Variants in RGS7BP observed in about 807,000 individuals in gnomAD.
RGS7BP encodes regulator of G protein signaling 7 binding protein, also known as regulator of G protein signaling 7-binding protein.
RGS7BP carries 9 observed loss-of-function variants against 31.3 expected under a neutral mutation model. That is an observed-to-expected ratio of 0.29 (90% CI 0.17 to 0.50). The LOEUF is 0.50. Among genes scored for constraint, RGS7BP ranks in the 20% least tolerant of loss-of-function variants. The pLI, the probability that RGS7BP is intolerant of heterozygous loss-of-function variation, is 0.98. For missense variants in RGS7BP, 274 were observed against 322.0 expected, an observed-to-expected ratio of 0.85 and a Z score of 1.14; for synonymous variants, 115 against 120.1, an observed-to-expected ratio of 0.96 and a Z score of 0.28.
chr5:64,539,098 G>GTT (rs1020091473), intron 2 of RGS7BP, among the ~76,000 whole-genome samples: 1 of 152,070 alleles, frequency 6.6e-6, no homozygotes, highest in Non-Finnish European at 1.5e-5. Flanking sequence ...GATATCTTGT[G>GTT]TTTTTAATTT....
chr5:64,567,151 G>A (rs145971944), intron 2 of RGS7BP, among the ~76,000 whole-genome samples: 1 of 150,972 alleles, frequency 6.6e-6, no homozygotes, highest in Admixed American at 6.6e-5. Context: ...TGCACCCAGA[G>A]GACCACCCAG....
chr5:64,578,746 G>A (rs1182805029), intron 3 of RGS7BP, among the ~76,000 whole-genome samples: 3 of 152,184 alleles, frequency 2.0e-5, no homozygotes, highest in Non-Finnish European at 4.4e-5. Flanking sequence ...TGTGATGAAT[G>A]TGATCTGTGT....
At position 64,535,110 on chromosome 5, in the gene RGS7BP, T is replaced by C. The variant is rs138616823; in HGVS notation, c.332+27233T>C. On this transcript the variant is annotated intron_variant, in intron 2 of 5. Coordinates refer to ENST00000334025, the MANE Select transcript of RGS7BP (RefSeq NM_001029875.3). Reference sequence around the variant, plus strand: ...TTTGTGAGAGAGGTTCTTGGTGACCTTGACATGAGCAGCCAGAGGAGCACT... The same window carrying C: ...TTTGTGAGAGAGGTTCTTGGTGACCCTGACATGAGCAGCCAGAGGAGCACT... Among the ~76,000 whole-genome samples the C allele has an allele frequency of 6.6e-4, 101 of 152,182 alleles. No homozygotes were observed. In the East Asian group the frequency reaches 0.019, roughly 29 times the overall value.
chr5:64,522,211 G>A (rs1484494892), intron 2 of RGS7BP, among the ~76,000 whole-genome samples: 1 of 152,212 alleles, frequency 6.6e-6, no homozygotes, highest in Non-Finnish European at 1.5e-5. Flanking sequence ...GCCTGGAAGA[G>A]AGAAATACTC....
intron 4 of RGS7BP, among the ~76,000 whole-genome samples, 158 bp from the exon 5 acceptor site, chr5:64,598,207 G>A (rs541015537): frequency 6.6e-6 from 1 of 152,158 alleles, no homozygotes; most frequent in African/African-American, 2.4e-5. Flanking sequence ...TTTTTTTCTT[G>A]TAAAAGCAAA....
chr5:64,548,515 T>G lies in RGS7BP; in HGVS notation c.333-27259T>G, dbSNP rs570103848. Among the ~76,000 whole-genome samples the G allele has an allele frequency of 2.0e-4, 30 of 152,308 alleles. No homozygotes were observed. In the South Asian group the frequency reaches 6.2e-3, roughly 32 times the overall value. On this transcript the variant is annotated intron_variant, in intron 2 of 5. Transcript: ENST00000334025. Reference sequence around the variant, plus strand: ...ACAACCAACCTGTTCTCTTTTTTATTTTTTTACTTTCTGAGATGGAGTCTC... The same window carrying G: ...ACAACCAACCTGTTCTCTTTTTTATGTTTTTACTTTCTGAGATGGAGTCTC...
At chr5:64,590,934 T>C (rs556131849) in intron 3 of RGS7BP, among the ~76,000 whole-genome samples, 1 of 152,200 alleles carries the variant, frequency 6.6e-6, no homozygotes, top group South Asian at 2.1e-4. Flanking sequence ...TAGATTATTA[T>C]ACCATACCAC....
intron 2 of RGS7BP, among the ~76,000 whole-genome samples, chr5:64,528,448 G>A (rs966363997): frequency 5.9e-5 from 9 of 152,090 alleles, no homozygotes; most frequent in African/African-American, 2.2e-4. Context: ...CACACATGCC[G>A]TAACAGCTAC....
In RGS7BP at chr5:64,506,550, C is replaced by A; in HGVS notation, c.-75C>A. ...CCGGGCTCCGGCTGCTTGGCGGCGGCGCCCAGGGCAACAACCGGGCCGCCC... is the reference window on the plus strand; with the variant it reads ...CCGGGCTCCGGCTGCTTGGCGGCGGAGCCCAGGGCAACAACCGGGCCGCCC... On this transcript the variant is annotated 5_prime_UTR_variant, in exon 1 of 6. Coordinates refer to ENST00000334025, the MANE Select transcript of RGS7BP (RefSeq NM_001029875.3). This position sits in a 1 kb window ranked among gnomAD's most constrained non-coding sequence, Gnocchi z 4.6. 2 of 1,377,626 alleles carry A rather than the reference C, an allele frequency of 1.5e-6. No homozygotes were observed. Among genetic ancestry groups the A allele is most frequent in the Admixed American group, 2.2e-5 (1 of 45,202 alleles). 85.3% of individuals were successfully genotyped at this position (1,377,626 alleles called of 1,614,324 possible). A position where few individuals can be genotyped will look rare whatever the true frequency, so the allele number is the denominator to read the frequency against.
chr5:64,608,739 G>C (rs1192492826), intron 5 of RGS7BP, among the ~76,000 whole-genome samples: 2 of 151,992 alleles, frequency 1.3e-5, no homozygotes, highest in African/African-American at 4.8e-5. Flanking sequence ...AAATAGCAGA[G>C]GCAGGTTTAG....
chr5:64,544,299 A>G (rs1741594457), intron 2 of RGS7BP, among the ~76,000 whole-genome samples: 1 of 152,226 alleles, frequency 6.6e-6, no homozygotes, highest in Non-Finnish European at 1.5e-5. Context: ...GGGATCTCAC[A>G]GGGATGGTAC....
chr5:64,514,424 G>A (rs937854776), intron 2 of RGS7BP, among the ~76,000 whole-genome samples: 1 of 152,044 alleles, frequency 6.6e-6, no homozygotes, highest in Non-Finnish European at 1.5e-5. Context: ...CCCAACTAGA[G>A]GTGAGGTTTT....
In RGS7BP at chr5:64,586,473, A is replaced by T. The variant is rs185870654; in HGVS notation, c.464-8237A>T. On this transcript the variant is annotated intron_variant, in intron 3 of 5. Transcript: ENST00000334025. ...TCCCTTTCACTTGGCTCATCCCTAT[A>T]CTTTCTTTGGGTCATAACTTAGATA... Among the ~76,000 whole-genome samples the T allele has an allele frequency of 5.6e-3, 857 of 152,168 alleles. 5 individuals are homozygous for T. Among genetic ancestry groups the T allele is most frequent in the Non-Finnish European group, 8.8e-3 (601 of 67,994 alleles).
At position 64,521,862 on chromosome 5, in the gene RGS7BP, T is replaced by C. The variant is rs1014561170; in HGVS notation, c.332+13985T>C. Among the ~76,000 whole-genome samples the C allele has an allele frequency of 6.6e-5, 10 of 152,380 alleles. No homozygotes were observed. The East Asian group carries it at 1.5e-3, about 23-fold the overall frequency. ...AATGATTCTACTCCATTCTGTTCTA[T>C]GCTGCTGTAACAAAATGTGGGTGGG... On this transcript the variant is annotated intron_variant, in intron 2 of 5. Coordinates refer to ENST00000334025, the MANE Select transcript of RGS7BP (RefSeq NM_001029875.3).
At chr5:64,588,442 A>G (rs947349071) in intron 3 of RGS7BP, among the ~76,000 whole-genome samples, 2 of 152,182 alleles carry the variant, frequency 1.3e-5, no homozygotes, top group Non-Finnish European at 2.9e-5. Context: ...AAAGACACAG[A>G]ATCCCTAAGC....
intron 2 of RGS7BP, among the ~76,000 whole-genome samples, chr5:64,508,531 A>C (rs954639670): frequency 2.0e-5 from 3 of 152,184 alleles, no homozygotes; most frequent in African/African-American, 7.2e-5. Context: ...ATTAGGAGAT[A>C]ATTCAGTATG....
intron 3 of RGS7BP, among the ~76,000 whole-genome samples, chr5:64,590,881 A>G (rs1295803466): frequency 6.6e-6 from 1 of 152,132 alleles, no homozygotes; most frequent in Non-Finnish European, 1.5e-5. Flanking sequence ...AAAAGTCATT[A>G]AATGCTGTTG....
intron 2 of RGS7BP, among the ~76,000 whole-genome samples, chr5:64,524,330 CCCTTT>C (rs1453612876): frequency 6.6e-6 from 1 of 152,176 alleles, no homozygotes; most frequent in African/African-American, 2.4e-5. Flanking sequence ...TTTTCTCCTG[CCCTTT>C]CCTTTCCCTC....
rs575710867 is a variant in RGS7BP at position 64,513,473 on chromosome 5, C to G, written c.332+5596C>G. ...TTTCAGTCCCACTTCTAGTTGATTT[C>G]TTGTTCCTACCCTTGTTCTGTTTGC... On this transcript the variant is annotated intron_variant, in intron 2 of 5. Transcript: ENST00000334025. Among the ~76,000 whole-genome samples, 4 of 152,080 alleles carry G rather than the reference C, an allele frequency of 2.6e-5. No homozygotes were observed. In the East Asian group the frequency reaches 7.7e-4, roughly 29 times the overall value.
Sources: gnomAD v4.1 joint callset for allele counts (sites outside exome capture counted in the v4.1 genomes callset) on GRCh38, gnomAD v4.1.1 for gene constraint, Gnocchi (gnomAD v3.1) non-coding constraint, MANE v1.5 for transcripts, NCBI Gene and HGNC (gene_info 2026-07-23, HGNC 2026-07-21) for gene names.